The following PTPRT variants were observed in gnomAD, a reference collection of about 807,000 sequenced individuals.
PTPRT encodes the protein protein tyrosine phosphatase receptor type T.
PTPRT carries 56 observed loss-of-function variants against 176.8 expected under a neutral mutation model. The observed-to-expected ratio is 0.32, with a 90% confidence interval of 0.26 to 0.40. PTPRT has a LOEUF of 0.40. Among genes scored for constraint, PTPRT ranks in the 10% least tolerant of loss-of-function variants. The probability of loss-of-function intolerance (pLI) is 1.00; values close to 1 mark genes in which losing one functional copy is unlikely to be tolerated. For missense variants in PTPRT, 1,540 were observed against 1,908.2 expected, an observed-to-expected ratio of 0.81 and a Z score of 3.60; for synonymous variants, 783 against 739.0, an observed-to-expected ratio of 1.06 and a Z score of -0.96.
chr20:42,456,363 A>G (rs1189025683), intron 8 of PTPRT, among the ~76,000 whole-genome samples: 2 of 151,910 alleles, frequency 1.3e-5, no homozygotes, highest in African/African-American at 2.4e-5. Flanking sequence ...CTCTTTTCCA[A>G]TCTTTTATTT....
intron 8 of PTPRT, among the ~76,000 whole-genome samples, chr20:42,469,117 T>C (rs1476158466): frequency 3.3e-5 from 5 of 152,280 alleles, no homozygotes; most frequent in South Asian, 2.1e-4. Flanking sequence ...ACAAATATAG[T>C]ACCTTATAAC....
intron 2 of PTPRT, among the ~76,000 whole-genome samples, chr20:42,869,198 C>T (rs1034771773): frequency 9.2e-5 from 14 of 152,108 alleles, no homozygotes; most frequent in African/African-American, 3.1e-4. Flanking sequence ...TGCAGAGAAC[C>T]CCTATTAGGG....
intron 16 of PTPRT, among the ~76,000 whole-genome samples, chr20:42,184,954 A>C (rs1990712038): frequency 6.6e-6 from 1 of 151,532 alleles, no homozygotes; most frequent in South Asian, 2.1e-4. Context: ...CTGGTATTAA[A>C]CTCATCCTGG....
At chr20:42,970,006 T>C (rs991261547) in intron 1 of PTPRT, among the ~76,000 whole-genome samples, 2 of 152,086 alleles carry the variant, frequency 1.3e-5, no homozygotes, top group Non-Finnish European at 2.9e-5. Context: ...GTTACAGAGC[T>C]CAAAAGCAGC....
the PTPRT span, among the ~76,000 whole-genome samples, chr20:42,054,201 G>A: frequency 6.6e-6 from 1 of 152,180 alleles, no homozygotes; most frequent in Non-Finnish European, 1.5e-5. Flanking sequence ...GAGCAAGGTG[G>A]GGATAAGGTT....
chr20:42,166,764 CA>C (rs879074212), intron 16 of PTPRT, among the ~76,000 whole-genome samples: 1 of 151,822 alleles, frequency 6.6e-6, no homozygotes, highest in South Asian at 2.1e-4. Context: ...ACTAAAAGTA[CA>C]AAAAAATTAG....
At chr20:42,703,456 G>C (rs1171431609) in intron 6 of PTPRT, among the ~76,000 whole-genome samples, 2 of 152,320 alleles carry the variant, frequency 1.3e-5, no homozygotes, top group African/African-American at 4.8e-5. Flanking sequence ...GTTACCAGGA[G>C]TGGGGTGAAT....
chr20:42,345,622 A>G (rs62208736), intron 11 of PTPRT, among the ~76,000 whole-genome samples: 3,687 of 143,562 alleles, frequency 0.026, 76 homozygotes, highest in East Asian at 0.035. Flanking sequence ...GTGTGTGTAT[A>G]TATATGTATG....
intron 13 of PTPRT, among the ~76,000 whole-genome samples, chr20:42,279,984 A>C (rs2057111722): frequency 6.8e-6 from 1 of 147,430 alleles, no homozygotes; most frequent in African/African-American, 2.5e-5. Flanking sequence ...GAGAGAGGGA[A>C]GAGCCTTGGG....
chr20:42,416,639 G>A (rs993588607), intron 9 of PTPRT, among the ~76,000 whole-genome samples: 1 of 152,102 alleles, frequency 6.6e-6, no homozygotes, highest in Non-Finnish European at 1.5e-5. Context: ...TATCTGCTTT[G>A]TCAGCTTTTG....
intron 11 of PTPRT, among the ~76,000 whole-genome samples, chr20:42,346,818 G>C (rs1367473334): frequency 6.6e-6 from 1 of 152,182 alleles, no homozygotes; most frequent in African/African-American, 2.4e-5. Flanking sequence ...GTGTGAGTCT[G>C]TTTGAGAACA....
chr20:42,472,764 T>C (rs992674012), intron 7 of PTPRT, among the ~76,000 whole-genome samples: 1 of 152,328 alleles, frequency 6.6e-6, no homozygotes, highest in East Asian at 1.9e-4. Flanking sequence ...TTTAAATACA[T>C]GCATCTAATA....
At chr20:42,481,491 C>T (rs2071384089) in intron 7 of PTPRT, among the ~76,000 whole-genome samples, 1 of 152,038 alleles carries the variant, frequency 6.6e-6, no homozygotes, top group Non-Finnish European at 1.5e-5. Context: ...TATGCTAGTC[C>T]ACAGGCCCTT....
intron 4 of PTPRT, among the ~76,000 whole-genome samples, chr20:42,777,122 C>T (rs895366608): frequency 4.6e-5 from 7 of 152,116 alleles, no homozygotes; most frequent in African/African-American, 1.7e-4. Context: ...CTAGGTCTCC[C>T]GACATCTTCT....
chr20:42,492,441 T>C (rs2071576128), intron 7 of PTPRT, among the ~76,000 whole-genome samples: 1 of 152,142 alleles, frequency 6.6e-6, no homozygotes, highest in African/African-American at 2.4e-5. Context: ...TAATGACTAA[T>C]CATGTTAAAC....
At chr20:42,509,813 T>C (rs1379836700) in intron 7 of PTPRT, among the ~76,000 whole-genome samples, 1 of 152,120 alleles carries the variant, frequency 6.6e-6, no homozygotes, top group Admixed American at 6.6e-5. Context: ...CAAATATGTA[T>C]TGAGCATCCA....
At chr20:42,964,517 G>T (rs997781851) in intron 1 of PTPRT, among the ~76,000 whole-genome samples, 6 of 87,248 alleles carry the variant, frequency 6.9e-5, no homozygotes, top group African/African-American at 2.7e-4. Flanking sequence ...GAAACTGTTA[G>T]AAACCCAGAA....
At chr20:43,016,038 C>T (rs546505228) in intron 1 of PTPRT, among the ~76,000 whole-genome samples, 20 of 152,194 alleles carry the variant, frequency 1.3e-4, no homozygotes, top group African/African-American at 4.6e-4. Context: ...CAGACCATCC[C>T]CAAGCTGAAA....
chr20:42,208,614 C>G (rs1483126946), intron 15 of PTPRT, among the ~76,000 whole-genome samples: 5 of 151,986 alleles, frequency 3.3e-5, no homozygotes, highest in Non-Finnish European at 7.4e-5. Flanking sequence ...TATATATGCA[C>G]CCAATACAGG....
Sources: gnomAD v4.1 joint callset for allele counts (sites outside exome capture counted in the v4.1 genomes callset) on GRCh38, gnomAD v4.1.1 for gene constraint, MANE v1.5 for transcripts, NCBI Gene and HGNC (gene_info 2026-07-23, HGNC 2026-07-21) for gene names.